The following PWWP2A variants were observed in gnomAD, a reference collection of about 807,000 sequenced individuals.
PWWP2A encodes the protein PWWP domain-containing protein 2A.
PWWP2A carries 18 observed loss-of-function variants against 48.5 expected under a neutral mutation model. The ratio of observed to expected loss-of-function variants is 0.37; its 90% CI spans 0.26 to 0.55. The LOEUF is 0.55. Among genes scored for constraint, PWWP2A ranks in the 20% least tolerant of loss-of-function variants. The probability of loss-of-function intolerance (pLI) is 0.81; values close to 1 mark genes in which losing one functional copy is unlikely to be tolerated. For missense variants in PWWP2A, 867 were observed against 976.4 expected (o/e 0.89, Z 1.49); for synonymous variants, 396 against 387.7 (o/e 1.02, Z -0.25).
At chr5:160,105,758 G>C in intron 1 of PWWP2A, 1 of 186,346 alleles carries the variant, frequency 5.4e-6, no homozygotes, top group Non-Finnish European at 8.4e-6. Context: ...CTGGGTGACA[G>C]AATGAGACGC....
chr5:160,074,829 T>A (rs1405543389), downstream of PWWP2A, among the ~76,000 whole-genome samples: 2 of 150,154 alleles, frequency 1.3e-5, no homozygotes, highest in East Asian at 4.0e-4. Context: ...CCAGGTGCAG[T>A]GGCTCATGCC....
intron 1 of PWWP2A, among the ~76,000 whole-genome samples, chr5:160,097,694 AG>A (rs1755815729): frequency 1.2e-5 from 1 of 81,592 alleles, no homozygotes; most frequent in African/African-American, 5.4e-5. Flanking sequence ...AATTTACTAG[AG>A]GTTTTTTTTT....
At chr5:160,070,542 C>G (rs1753717732) in intron 2 of PWWP2A, among the ~76,000 whole-genome samples, 1 of 152,316 alleles carries the variant, frequency 6.6e-6, no homozygotes, top group Non-Finnish European at 1.5e-5. Context: ...ACAAGCACTG[C>G]AGCCAGTTTG....
the PWWP2A span, among the ~76,000 whole-genome samples, chr5:160,047,410 T>G: frequency 0.082 from 12,414 of 152,226 alleles, 710 homozygotes; most frequent in Admixed American, 0.18. Flanking sequence ...GGGCTCAAAT[T>G]TAAAGACATA....
At chr5:160,104,431 TA>T (rs36095044) in intron 1 of PWWP2A, among the ~76,000 whole-genome samples, 2,022 of 141,024 alleles carry the variant, frequency 0.014, 29 homozygotes, top group African/African-American at 0.041. Context: ...ACCTTGCCTC[TA>T]AAAAAAAAAA....
chr5:160,096,927 G>A (rs988236802), intron 1 of PWWP2A, among the ~76,000 whole-genome samples: 1 of 151,894 alleles, frequency 6.6e-6, no homozygotes, highest in Non-Finnish European at 1.5e-5. Context: ...CACTATTTCT[G>A]ACCTTAAAAG....
At chr5:160,060,079 T>A (rs1757658853), downstream of PWWP2A, among the ~76,000 whole-genome samples, 1 of 152,234 alleles carries the variant, frequency 6.6e-6, no homozygotes, top group Non-Finnish European at 1.5e-5. Context: ...GGAGAAAAGC[T>A]AGAGTTAGCT....
intron 2 of PWWP2A, among the ~76,000 whole-genome samples, chr5:160,081,000 C>A (rs1016465973): frequency 5.9e-5 from 9 of 152,114 alleles, no homozygotes. Flanking sequence ...GGGCACTCTC[C>A]GGCTCAAGTC....
chr5:160,053,191 A>C, the PWWP2A span, among the ~76,000 whole-genome samples: 1 of 152,144 alleles, frequency 6.6e-6, no homozygotes, highest in South Asian at 2.1e-4. Context: ...AATTAATATC[A>C]CTTAGAAGTT....
intron 1 of PWWP2A, among the ~76,000 whole-genome samples, chr5:160,113,526 T>C (rs1026533876): frequency 3.3e-5 from 5 of 152,232 alleles, no homozygotes; most frequent in Admixed American, 6.5e-5. Context: ...AAGAAATTTA[T>C]AAAAGCAATA....
chr5:160,092,377 C>T lies in PWWP2A; in HGVS notation c.*5G>A, dbSNP rs879785898. ...CAATGGTCTTGCCTACCTTACTGCCCATGTTCACGTTTCAAACTGTGTCAA... is the reference window on the plus strand; with the variant it reads ...CAATGGTCTTGCCTACCTTACTGCCTATGTTCACGTTTCAAACTGTGTCAA... On this transcript the variant is annotated 3_prime_UTR_variant, in exon 2 of 2. Coordinates refer to ENST00000307063, the MANE Select transcript of PWWP2A (RefSeq NM_001130864.2). The T allele has an allele frequency of 1.8e-5, 28 of 1,531,502 alleles. No homozygotes were observed. Among genetic ancestry groups the T allele is most frequent in the Middle Eastern group, 1.7e-4 (1 of 5,894 alleles). The allele number at this position is 1,531,502 out of a possible 1,614,324, so 94.9% of individuals were successfully genotyped here. A position where few individuals can be genotyped will look rare whatever the true frequency, so the allele number is the denominator to read the frequency against.
intron 1 of PWWP2A, among the ~76,000 whole-genome samples, chr5:160,102,441 T>C (rs1179580065): frequency 2.1e-5 from 3 of 145,436 alleles, no homozygotes; most frequent in Non-Finnish European, 4.5e-5. Flanking sequence ...GCATGGTGGC[T>C]CAAGCCTATA....
At chr5:160,108,786 T>G (rs1757153375) in intron 1 of PWWP2A, among the ~76,000 whole-genome samples, 1 of 152,206 alleles carries the variant, frequency 6.6e-6, no homozygotes, top group Admixed American at 6.5e-5. Context: ...TGTAAAAACA[T>G]CAATTCTGAA....
downstream of PWWP2A, among the ~76,000 whole-genome samples, chr5:160,075,617 T>C (rs1424528016): frequency 6.6e-6 from 1 of 152,016 alleles, no homozygotes; most frequent in Non-Finnish European, 1.5e-5. Context: ...GGTAGGTTGT[T>C]TCTATCGAAA....
At chr5:160,113,981 G>A (rs943423150) in intron 1 of PWWP2A, among the ~76,000 whole-genome samples, 4 of 152,090 alleles carry the variant, frequency 2.6e-5, no homozygotes, top group Non-Finnish European at 5.9e-5. Context: ...ATTTCCTCCT[G>A]TGTAAATTAA....
chr5:160,088,325 C>T (rs534691419), downstream of PWWP2A, among the ~76,000 whole-genome samples: 8 of 152,208 alleles, frequency 5.3e-5, no homozygotes, highest in East Asian at 3.9e-4. Flanking sequence ...CTCAGCCTCT[C>T]GAGTTCAAGC....
Position 160,115,137 on chromosome 5 carries a change from C to CAAAAAAAA in PWWP2A, c.584+3660_584+3667dup, listed in dbSNP as rs535110852. Among the ~76,000 whole-genome samples the CAAAAAAAA allele has an allele frequency of 1.9e-3, 165 of 88,412 alleles. 6 individuals are homozygous for CAAAAAAAA. The highest frequency in any genetic ancestry group is 8.0e-3 in the African/African-American group (141 of 17,550). The allele number at this position is 88,412 out of a possible 152,430, so 58.0% of individuals were successfully genotyped here. Reference sequence around the variant, plus strand: ...CCTGGGTAACAGAGGGAGACTCTGTCAAAAAAAAAAAAAAAAAAAAAAAAA... The same window carrying CAAAAAAAA: ...CCTGGGTAACAGAGGGAGACTCTGTCAAAAAAAAAAAAAAAAAAAAAAAAAAAAAAAAA... On this transcript the variant is annotated intron_variant, in intron 1 of 1. Transcript: ENST00000307063.
intron 2 of PWWP2A, among the ~76,000 whole-genome samples, chr5:160,081,388 G>A (rs1754223396): frequency 6.6e-6 from 1 of 151,888 alleles, no homozygotes; most frequent in Admixed American, 6.6e-5. Context: ...ACAGGCGCCC[G>A]CCACCACACC....
the PWWP2A span, among the ~76,000 whole-genome samples, chr5:160,050,316 A>C: frequency 6.6e-6 from 1 of 151,862 alleles, no homozygotes; most frequent in African/African-American, 2.4e-5. Context: ...GTGTGGTGGC[A>C]CATGCCTGTA....
Sources: gnomAD v4.1 joint callset for allele counts (sites outside exome capture counted in the v4.1 genomes callset) on GRCh38, gnomAD v4.1.1 for gene constraint, MANE v1.5 for transcripts, NCBI Gene and HGNC (gene_info 2026-07-23, HGNC 2026-07-21) for gene names.